Variants in MACROD2 observed in about 807,000 individuals in gnomAD.
MACROD2 encodes ADP-ribose glycohydrolase MACROD2.
MACROD2 carries 36 observed loss-of-function variants against 70.4 expected under a neutral mutation model. The ratio of observed to expected loss-of-function variants is 0.51; its 90% confidence interval spans 0.39 to 0.68. The LOEUF (loss-of-function observed/expected upper bound fraction) is 0.68. Among genes scored for constraint, MACROD2 ranks in the 30% least tolerant of loss-of-function variants. The pLI is 0.00. For missense variants in MACROD2, 496 were observed against 538.4 expected (o/e 0.92, Z 0.78); for synonymous variants, 172 against 178.8 (o/e 0.96, Z 0.30).
At chr20:15,936,367 G>A (rs936291175) in intron 11 of MACROD2, among the ~76,000 whole-genome samples, 7 of 144,506 alleles carry the variant, frequency 4.8e-5, no homozygotes, top group African/African-American at 1.0e-4. Flanking sequence ...ACTATATATC[G>A]CTATTATATA....
intron 8 of MACROD2, among the ~76,000 whole-genome samples, chr20:15,719,771 C>A (rs992040812): frequency 6.6e-6 from 1 of 152,074 alleles, no homozygotes; most frequent in African/African-American, 2.4e-5. Context: ...TATCCATCAC[C>A]TCAAACATTT....
intron 6 of MACROD2, among the ~76,000 whole-genome samples, chr20:15,232,686 G>T (rs2076969164): frequency 6.6e-6 from 1 of 151,908 alleles, no homozygotes; most frequent in South Asian, 2.1e-4. Context: ...TTATTTCTTT[G>T]ATATCTATTC....
At chr20:15,220,135 A>G (rs540552405) in intron 5 of MACROD2, among the ~76,000 whole-genome samples, 13 of 152,248 alleles carry the variant, frequency 8.5e-5, no homozygotes, top group Middle Eastern at 3.4e-3. Flanking sequence ...GAGTCTTTCT[A>G]TGAAGAAACA....
chr20:16,022,400 T>A (rs1015513937), intron 15 of MACROD2, among the ~76,000 whole-genome samples: 6 of 152,288 alleles, frequency 3.9e-5, no homozygotes, highest in African/African-American at 1.4e-4. Context: ...TTAATAAAAT[T>A]TCTAGTTGTG....
intron 3 of MACROD2, among the ~76,000 whole-genome samples, chr20:14,269,402 T>C (rs2082171524): frequency 6.6e-6 from 1 of 152,218 alleles, no homozygotes; most frequent in South Asian, 2.1e-4. Context: ...TTTGCTTTGC[T>C]GAGGACAAGG....
intron 5 of MACROD2, among the ~76,000 whole-genome samples, chr20:14,925,571 G>T (rs1808456314): frequency 6.6e-6 from 1 of 152,098 alleles, no homozygotes; most frequent in Admixed American, 6.6e-5. Flanking sequence ...TTGGAAATTG[G>T]CAGAATACAT....
At chr20:14,681,788 A>G (rs2070935661) in intron 4 of MACROD2, among the ~76,000 whole-genome samples, 1 of 152,202 alleles carries the variant, frequency 6.6e-6, no homozygotes, top group South Asian at 2.1e-4. Flanking sequence ...GTAATGTAAT[A>G]GAGTGCTTCG....
chr20:14,488,011 A>G (rs2084754999), intron 3 of MACROD2, among the ~76,000 whole-genome samples: 1 of 152,182 alleles, frequency 6.6e-6, no homozygotes, highest in South Asian at 2.1e-4. Context: ...TTCTGGTTTT[A>G]TTGAAACAAA....
intron 2 of MACROD2, among the ~76,000 whole-genome samples, chr20:14,043,773 C>T (rs1381265008): frequency 2.0e-5 from 3 of 152,076 alleles, no homozygotes; most frequent in African/African-American, 7.2e-5. Context: ...GGGAAAATTC[C>T]TGCCTTGGGG....
intron 3 of MACROD2, among the ~76,000 whole-genome samples, chr20:14,461,366 T>A (rs528584663): frequency 2.6e-5 from 4 of 152,088 alleles, no homozygotes; most frequent in South Asian, 2.1e-4. Context: ...TTAATCTTTT[T>A]AAAAAACCAG....
intron 5 of MACROD2, among the ~76,000 whole-genome samples, chr20:14,988,942 G>A (rs907974112): frequency 1.9e-4 from 29 of 151,954 alleles, no homozygotes; most frequent in African/African-American, 7.0e-4. Flanking sequence ...TTCACATGGG[G>A]TATATAAATA....
intron 3 of MACROD2, among the ~76,000 whole-genome samples, chr20:14,350,659 C>A (rs951396481): frequency 6.6e-6 from 1 of 152,024 alleles, no homozygotes; most frequent in African/African-American, 2.4e-5. Context: ...GGTTATTAAT[C>A]CCTTGTCAGA....
chr20:14,653,986 A>T (rs989954681), intron 4 of MACROD2, among the ~76,000 whole-genome samples: 7 of 152,048 alleles, frequency 4.6e-5, no homozygotes, highest in African/African-American at 1.7e-4. Context: ...GTCCCCTTCT[A>T]GTAGGTTTCC....
chr20:15,420,493 G>A (rs1298188558), intron 6 of MACROD2, among the ~76,000 whole-genome samples: 1 of 152,036 alleles, frequency 6.6e-6, no homozygotes, highest in African/African-American at 2.4e-5. Flanking sequence ...TTGGCCTTTG[G>A]GTCAGTTAGC....
intron 4 of MACROD2, among the ~76,000 whole-genome samples, chr20:14,542,379 A>T (rs2123236540): frequency 6.6e-6 from 1 of 152,352 alleles, no homozygotes; most frequent in East Asian, 1.9e-4. Flanking sequence ...CACTTTAAAC[A>T]TTCTAAATAT....
At chr20:14,020,536 T>C (rs1049190936) in intron 2 of MACROD2, among the ~76,000 whole-genome samples, 1 of 152,244 alleles carries the variant, frequency 6.6e-6, no homozygotes, top group South Asian at 2.1e-4. Flanking sequence ...TTTGTCATCT[T>C]AATTGTTCCT....
chr20:15,060,319 C>T (rs2075521959), intron 5 of MACROD2, among the ~76,000 whole-genome samples: 1 of 152,170 alleles, frequency 6.6e-6, no homozygotes. Flanking sequence ...AATGTGGTGA[C>T]AGTCGCAGAG....
intron 3 of MACROD2, among the ~76,000 whole-genome samples, chr20:14,307,052 A>G (rs2082527248): frequency 6.7e-6 from 1 of 149,554 alleles, no homozygotes; most frequent in Admixed American, 6.7e-5. Context: ...CACACAATTG[A>G]CTGTTGAGAA....
At chr20:14,195,948 C>CT (rs2081428299) in intron 3 of MACROD2, among the ~76,000 whole-genome samples, 1 of 152,166 alleles carries the variant, frequency 6.6e-6, no homozygotes, top group Non-Finnish European at 1.5e-5. Context: ...AGGCAGGGGT[C>CT]TAATTGAGCT....
Sources: allele counts gnomAD v4.1 joint callset (sites outside exome capture counted in the v4.1 genomes callset), GRCh38; gene constraint gnomAD v4.1.1; transcripts MANE v1.5; gene names NCBI Gene and HGNC (gene_info 2026-07-23, HGNC 2026-07-21).